The following ELMOD1 variants were observed in gnomAD, a reference collection of about 807,000 sequenced individuals.
ELMOD1 encodes the protein ELMO domain-containing protein 1.
A neutral mutation model predicts 46.7 loss-of-function variants in ELMOD1; 21 were observed. The observed-to-expected ratio is 0.45, with a 90% CI of 0.32 to 0.65. The LOEUF (loss-of-function observed/expected upper bound fraction) is 0.65. ELMOD1 is among the 30% of genes least tolerant of loss of function. The probability of loss-of-function intolerance (pLI) is 0.04; values close to 1 mark genes in which losing one functional copy is unlikely to be tolerated. For missense variants in ELMOD1, 348 were observed against 407.8 expected (o/e 0.85, Z 1.26); for synonymous variants, 122 against 138.2 (o/e 0.88, Z 0.82).
chr11:107,659,901 A>G, intron 11 of ELMOD1, among the ~76,000 whole-genome samples: 1 of 152,112 alleles, frequency 6.6e-6, no homozygotes, highest in East Asian at 1.9e-4. Context: ...ATCTCTACAA[A>G]AGAAAAAAGT....
At chr11:107,603,516 G>A (rs1366942855) in intron 1 of ELMOD1, among the ~76,000 whole-genome samples, 5 of 152,144 alleles carry the variant, frequency 3.3e-5, no homozygotes, top group African/African-American at 4.8e-5. Context: ...TCCAGCCTGG[G>A]CGATAGAGCG....
At chr11:107,622,004 G>C (rs1048997366) in intron 2 of ELMOD1, among the ~76,000 whole-genome samples, 1 of 152,168 alleles carries the variant, frequency 6.6e-6, no homozygotes, top group African/African-American at 2.4e-5. Context: ...TCTAGCCTAG[G>C]TGACAAGAGC....
chr11:107,593,695 A>C, intron 1 of ELMOD1, among the ~76,000 whole-genome samples: 1 of 152,222 alleles, frequency 6.6e-6, no homozygotes, highest in East Asian at 1.9e-4. Context: ...TTTCAGATAA[A>C]CAGTGAATTA....
intron 1 of ELMOD1, among the ~76,000 whole-genome samples, chr11:107,613,123 G>A (rs965161345): frequency 6.6e-6 from 1 of 152,100 alleles, no homozygotes. Context: ...ACCAACTTGC[G>A]AGAATTTATT....
intron 2 of ELMOD1, among the ~76,000 whole-genome samples, chr11:107,624,693 G>A (rs2135680869): frequency 6.6e-6 from 1 of 152,238 alleles, no homozygotes; most frequent in South Asian, 2.1e-4. Context: ...GTTGAATAAT[G>A]TTGTTGTTAG....
At chr11:107,636,352 A>G (rs958159086) in intron 6 of ELMOD1, among the ~76,000 whole-genome samples, 1 of 152,244 alleles carries the variant, frequency 6.6e-6, no homozygotes, top group African/African-American at 2.4e-5. Context: ...ATCTGATGGT[A>G]TATTAAGAAA....
chr11:107,631,593 C>T lies in ELMOD1; in HGVS notation c.206C>T (p.Ser69Phe), dbSNP rs1298181448. Residue 69 changes from serine to phenylalanine, a missense_variant, in exon 5 of 12, where the codon TCT becomes TTT. Physicochemically the swap from Ser to Phe is radical, Grantham distance 155 (BLOSUM62 -2). Coordinates refer to ENST00000265840, the MANE Select transcript of ELMOD1 (RefSeq NM_018712.4). ...RDSKSKLLQT[S>F]VSVHPDAIEK... ...CATGTTTTCCAGCTGTTGCAGACTT[C>T]TGTGAGTGTTCACCCCGACGCTATT... The T allele has an allele frequency of 1.9e-6, 3 of 1,559,372 alleles. No individual in the cohort carries two copies. Among genetic ancestry groups the T allele is most frequent in the South Asian group, 2.4e-5 (2 of 83,328 alleles).
chr11:107,610,969 T>A (rs1591106608), intron 1 of ELMOD1, among the ~76,000 whole-genome samples: 1 of 61,788 alleles, frequency 1.6e-5, no homozygotes, highest in Admixed American at 1.9e-4. Context: ...ATTAAAGATT[T>A]AAATGTAAAA....
At chr11:107,640,276 C>G in intron 6 of ELMOD1, among the ~76,000 whole-genome samples, 1 of 152,286 alleles carries the variant, frequency 6.6e-6, no homozygotes, top group Non-Finnish European at 1.5e-5. Flanking sequence ...TTATTTGCTA[C>G]GTATAGTTAT....
At chr11:107,614,769 T>TA (rs1276282146) in intron 1 of ELMOD1, among the ~76,000 whole-genome samples, 2 of 152,212 alleles carry the variant, frequency 1.3e-5, no homozygotes, top group Non-Finnish European at 2.9e-5. Flanking sequence ...ATCTGACCCT[T>TA]ACTTGCTTTT....
At chr11:107,624,793 G>C (rs1866013283) in intron 2 of ELMOD1, among the ~76,000 whole-genome samples, 1 of 152,092 alleles carries the variant, frequency 6.6e-6, no homozygotes, top group Non-Finnish European at 1.5e-5. Flanking sequence ...CAATCAACTA[G>C]TGCTCTCTAA....
intron 11 of ELMOD1, among the ~76,000 whole-genome samples, chr11:107,657,939 G>A (rs1240229099): frequency 1.3e-5 from 2 of 152,148 alleles, no homozygotes; most frequent in African/African-American, 2.4e-5. Context: ...GAAGACATTG[G>A]CATATATAGA....
intron 10 of ELMOD1, among the ~76,000 whole-genome samples, chr11:107,655,341 T>C (rs1250264637): frequency 6.6e-6 from 1 of 152,200 alleles, no homozygotes; most frequent in Non-Finnish European, 1.5e-5. Context: ...TTAAAAATGC[T>C]ATAATGAATT....
At chr11:107,631,396 TACC>T (rs770914362) in intron 4 of ELMOD1, among the ~76,000 whole-genome samples, 181 bp from the exon 5 acceptor site, 16 of 31,568 alleles carry the variant, frequency 5.1e-4, no homozygotes, top group African/African-American at 2.1e-3. Context: ...AAAATTGCAC[TACC>T]CCCCCCCCCA....
At chr11:107,638,100 A>G (rs1866260772) in intron 6 of ELMOD1, among the ~76,000 whole-genome samples, 1 of 151,992 alleles carries the variant, frequency 6.6e-6, no homozygotes, top group African/African-American at 2.4e-5. Flanking sequence ...GTCGTGCCAT[A>G]CCATACGCCC....
intron 1 of ELMOD1, among the ~76,000 whole-genome samples, chr11:107,608,157 G>C (rs1369668372): frequency 2.6e-5 from 4 of 151,908 alleles, no homozygotes; most frequent in African/African-American, 9.7e-5. Flanking sequence ...GTGTTTTGAG[G>C]GTGACCCTTG....
chr11:107,595,257 A>G (rs1009780687), intron 1 of ELMOD1, among the ~76,000 whole-genome samples: 11 of 151,904 alleles, frequency 7.2e-5, no homozygotes, highest in African/African-American at 2.7e-4. Context: ...TCTTAAAATT[A>G]TAAAAATTAC....
chr11:107,600,264 C>T (rs1227979126), intron 1 of ELMOD1: 1 of 149,668 alleles, frequency 6.7e-6, no homozygotes, highest in African/African-American at 2.5e-5. Context: ...AAAATATACC[C>T]CTGGAAAAAA....
intron 11 of ELMOD1, among the ~76,000 whole-genome samples, chr11:107,664,560 TAG>T (rs1866807135): frequency 1.3e-5 from 2 of 152,354 alleles, no homozygotes; most frequent in Admixed American, 6.5e-5. Context: ...TGTCTCATAA[TAG>T]AGTGTCAGAA....
Sources: gnomAD v4.1 joint callset for allele counts (sites outside exome capture counted in the v4.1 genomes callset) on GRCh38, gnomAD v4.1.1 for gene constraint, MANE v1.5 for transcripts, NCBI Gene and HGNC (gene_info 2026-07-23, HGNC 2026-07-21) for gene names.